SYNPR: variants seen among roughly 807,000 people sequenced by gnomAD.
SYNPR encodes synaptoporin.
SYNPR carries 23 observed loss-of-function variants against 32.9 expected under a neutral mutation model. That is an observed-to-expected ratio of 0.70 (90% confidence interval 0.50 to 0.99). SYNPR has a LOEUF of 0.99. Ranked by LOEUF, SYNPR falls within the 50% of genes least tolerant of loss-of-function variation. The pLI, the probability that SYNPR is intolerant of heterozygous loss-of-function variation, is 0.00. For synonymous variants in SYNPR, 146 were observed against 135.9 expected, an observed-to-expected ratio of 1.07 and a Z score of -0.52; for missense variants, 318 against 349.3, an observed-to-expected ratio of 0.91 and a Z score of 0.71.
chr3:63,431,377 C>G (rs1345957613), intron 2 of SYNPR, among the ~76,000 whole-genome samples: 1 of 152,094 alleles, frequency 6.6e-6, no homozygotes, highest in Non-Finnish European at 1.5e-5. Flanking sequence ...AAATAAGAAG[C>G]TGGAGATCTC....
At chr3:63,576,458 A>G (rs1490985794) in intron 4 of SYNPR, among the ~76,000 whole-genome samples, 1 of 152,128 alleles carries the variant, frequency 6.6e-6, no homozygotes, top group Non-Finnish European at 1.5e-5. Flanking sequence ...TGTTCTTAAC[A>G]GTATGTCAAG....
chr3:63,476,139 AAGGAAGGAAGGGAGGGAGGG>A (rs1700902388), intron 2 of SYNPR, among the ~76,000 whole-genome samples: 3 of 32,476 alleles, frequency 9.2e-5, no homozygotes, highest in Admixed American at 5.2e-4. Flanking sequence ...GGAAGGAAGG[AAGGAAGGAAGGGAGGGAGGG>A]AGGGAGGGAG....
chr3:63,584,413 A>G (rs149282618), intron 4 of SYNPR, among the ~76,000 whole-genome samples: 5 of 152,208 alleles, frequency 3.3e-5, no homozygotes, highest in Non-Finnish European at 5.9e-5. Flanking sequence ...AGCAGCCTCA[A>G]TAATAGAGGT....
At chr3:63,268,309 A>G (rs2086507941) in intron 3 of SYNPR, among the ~76,000 whole-genome samples, 1 of 148,664 alleles carries the variant, frequency 6.7e-6, no homozygotes, top group Admixed American at 6.6e-5. Flanking sequence ...TAATTGTGAT[A>G]ACTTCTGTTT....
chr3:63,344,215 G>T (rs1341550531), intron 2 of SYNPR, among the ~76,000 whole-genome samples: 1 of 152,096 alleles, frequency 6.6e-6, no homozygotes, highest in African/African-American at 2.4e-5. Context: ...AAAAAAAGAA[G>T]ACCCAAAGTA....
intron 2 of SYNPR, among the ~76,000 whole-genome samples, chr3:63,461,813 C>T (rs1012195280): frequency 9.2e-5 from 14 of 151,938 alleles, no homozygotes; most frequent in Middle Eastern, 3.2e-3. Context: ...AGCCGTAGAA[C>T]AGAGATAATA....
rs920570334 is a variant in SYNPR, at chr3:63,514,510, C to G, written c.209+33554C>G. 1.1e-3 allele frequency among the ~76,000 whole-genome samples: 167 copies of G among 152,272 alleles called. 1 individual carries two copies. Among genetic ancestry groups the G allele is most frequent in the Non-Finnish European group, 1.2e-4 (8 of 68,020 alleles). On this transcript the variant is annotated intron_variant, in intron 3 of 5. Coordinates refer to ENST00000478300, the MANE Select transcript of SYNPR (RefSeq NM_001130003.2). ...CCACCATTTGCTTTCCTGGGTTTCT[C>G]TCCCGTCATCTAGGCAGATAAACAG... is the stretch of plus-strand genomic sequence containing the variant.
chr3:63,282,682 CAGA>C (rs1560178185), intron 2 of SYNPR, among the ~76,000 whole-genome samples: 4 of 42,334 alleles, frequency 9.4e-5, no homozygotes, highest in African/African-American at 1.8e-4. Flanking sequence ...GACACTGTCT[CAGA>C]AAAAAAAAAA....
At chr3:63,559,707 T>TC (rs1702653106) in intron 4 of SYNPR, among the ~76,000 whole-genome samples, 2 of 151,954 alleles carry the variant, frequency 1.3e-5, no homozygotes, top group African/African-American at 4.8e-5. Flanking sequence ...GCAAGTGTTT[T>TC]TTTTTTTTTC....
chr3:63,498,508 A>G (rs1289168961), intron 3 of SYNPR, among the ~76,000 whole-genome samples: 1 of 152,160 alleles, frequency 6.6e-6, no homozygotes, highest in African/African-American at 2.4e-5. Context: ...GATGTGATGA[A>G]TAATTGGGGA....
intron 3 of SYNPR, among the ~76,000 whole-genome samples, chr3:63,552,327 T>C (rs1702517365): frequency 6.6e-6 from 1 of 152,208 alleles, no homozygotes; most frequent in Admixed American, 6.5e-5. Context: ...CATGATTACC[T>C]TTAAATCCAT....
chr3:63,604,977 T>G (rs1228954362), intron 4 of SYNPR, among the ~76,000 whole-genome samples: 3 of 152,348 alleles, frequency 2.0e-5, no homozygotes, highest in Non-Finnish European at 4.4e-5. Context: ...ATCAATATAT[T>G]TTTTAACAAA....
At chr3:63,602,055 G>T (rs767662089) in intron 4 of SYNPR, among the ~76,000 whole-genome samples, 3 of 152,042 alleles carry the variant, frequency 2.0e-5, no homozygotes, top group African/African-American at 4.8e-5. Context: ...GTGTGAGATG[G>T]TATCTCTTTG....
At chr3:63,489,882 G>A (rs956429689) in intron 3 of SYNPR, among the ~76,000 whole-genome samples, 5 of 152,124 alleles carry the variant, frequency 3.3e-5, no homozygotes, top group African/African-American at 1.2e-4. Context: ...AGAAAAGCAT[G>A]GGCATGGCCT....
chr3:63,402,457 T>A (rs1009019059), intron 2 of SYNPR, among the ~76,000 whole-genome samples: 3 of 152,220 alleles, frequency 2.0e-5, no homozygotes, highest in Non-Finnish European at 1.5e-5. Flanking sequence ...TATTTTATAA[T>A]CCAGGGTCTG....
At chr3:63,398,554 T>TG (rs1326537819) in intron 2 of SYNPR, among the ~76,000 whole-genome samples, 6 of 140,938 alleles carry the variant, frequency 4.3e-5, no homozygotes, top group African/African-American at 1.6e-4. Flanking sequence ...TAAAAAATAT[T>TG]AAAAAAAAAA....
intron 2 of SYNPR, among the ~76,000 whole-genome samples, chr3:63,428,256 T>C (rs576619627): frequency 3.2e-4 from 48 of 152,344 alleles, no homozygotes; most frequent in African/African-American, 8.7e-4. Context: ...GCTAAGTTGG[T>C]CAAAGCCACA....
At chr3:63,461,550 A>T (rs962886138) in intron 2 of SYNPR, among the ~76,000 whole-genome samples, 14 of 152,040 alleles carry the variant, frequency 9.2e-5, no homozygotes, top group Non-Finnish European at 1.6e-4. Context: ...TTTGTATCCC[A>T]TCCCAGCATC....
chr3:63,408,820 T>C (rs369253667), intron 2 of SYNPR, among the ~76,000 whole-genome samples: 6 of 152,098 alleles, frequency 3.9e-5, no homozygotes, highest in African/African-American at 1.4e-4. Context: ...CTCAGAGATA[T>C]ATCAAGAAAT....
Sources: gnomAD v4.1 joint callset for allele counts (sites outside exome capture counted in the v4.1 genomes callset) on GRCh38, gnomAD v4.1.1 for gene constraint, MANE v1.5 for transcripts, NCBI Gene and HGNC (gene_info 2026-07-23, HGNC 2026-07-21) for gene names.